The following FLT3 variants were observed in gnomAD, a reference collection of about 807,000 sequenced individuals.
FLT3 encodes receptor-type tyrosine-protein kinase FLT3.
Under a neutral mutation model 126.6 loss-of-function variants are expected in FLT3, and 46 were observed. That is an observed-to-expected ratio of 0.36 (90% CI 0.29 to 0.46). The LOEUF (loss-of-function observed/expected upper bound fraction) is 0.46, where lower values mean the gene tolerates loss of function less well. Among genes scored for constraint, FLT3 ranks in the 20% least tolerant of loss-of-function variants. The pLI is 1.00. For missense variants in FLT3, 1,069 were observed against 1,190.3 expected, an observed-to-expected ratio of 0.90 and a Z score of 1.50; for synonymous variants, 404 against 434.4, an observed-to-expected ratio of 0.93 and a Z score of 0.87.
At chr13:28,073,489 C>A in intron 1 of FLT3, 1 of 284,566 alleles carries the variant, frequency 3.5e-6, no homozygotes, top group Non-Finnish European at 7.0e-6. Context: ...TTTTCCTGCT[C>A]CACTCTGTAA....
At chr13:28,040,557 G>A (rs1158098295) in intron 9 of FLT3, among the ~76,000 whole-genome samples, 2 of 151,950 alleles carry the variant, frequency 1.3e-5, no homozygotes, top group Non-Finnish European at 2.9e-5. Context: ...TCCACAAAAC[G>A]CCACTGCGTA....
At chr13:28,077,223 G>A (rs1271042931) in intron 1 of FLT3, among the ~76,000 whole-genome samples, 1 of 152,144 alleles carries the variant, frequency 6.6e-6, no homozygotes, top group African/African-American at 2.4e-5. Context: ...TCTGCTTCTG[G>A]TGAGGAACTC....
In FLT3 at chr13:28,014,593, A is replaced by C. The variant is rs777706542; in HGVS notation, c.2754-36T>G. 12 of 1,452,298 alleles carry C rather than the reference A, an allele frequency of 8.3e-6. No homozygotes were observed. The Admixed American group carries it at 1.9e-4, about 23-fold the overall frequency. The allele number at this position is 1,452,298 out of a possible 1,614,324, so 90.0% of individuals were successfully genotyped here. On this transcript the variant is annotated intron_variant, in intron 22 of 23. Coordinates refer to ENST00000241453, the MANE Select transcript of FLT3 (RefSeq NM_004119.3). The stretch of plus-strand genomic sequence containing the variant: ...AATAGAACAAGGAACAAGATGAAGA[A>C]GTCTGAATGAAGCAAAATGGATCAT...
At chr13:28,070,873 A>C (rs1325739766) in intron 1 of FLT3, among the ~76,000 whole-genome samples, 1 of 152,068 alleles carries the variant, frequency 6.6e-6, no homozygotes. Context: ...GGTAGCGACT[A>C]GCTACATGTG....
intron 19 of FLT3, among the ~76,000 whole-genome samples, chr13:28,020,835 C>A (rs1872321475): frequency 6.6e-6 from 1 of 151,856 alleles, no homozygotes; most frequent in South Asian, 2.1e-4. Context: ...TGAGGGGCAC[C>A]CAGAGGAATA....
chr13:28,046,159 G>A (rs566884901), intron 9 of FLT3, among the ~76,000 whole-genome samples: 1 of 152,170 alleles, frequency 6.6e-6, no homozygotes, highest in East Asian at 1.9e-4. Flanking sequence ...CTGAGTTTGG[G>A]GGAGTGTGTT....
At chr13:28,023,608 G>A (rs535353605) in intron 18 of FLT3, 131 bp from the exon 19 acceptor site, 44 of 973,840 alleles carry the variant, frequency 4.5e-5, no homozygotes, top group South Asian at 6.5e-5. Flanking sequence ...TTATCTTCCC[G>A]GCAGCATTAG....
chr13:28,079,223 C>G (rs1878161444), intron 1 of FLT3, among the ~76,000 whole-genome samples: 1 of 152,180 alleles, frequency 6.6e-6, no homozygotes, highest in African/African-American at 2.4e-5. Flanking sequence ...TGCCTCCAGT[C>G]TTTTTGCTAA....
chr13:28,033,822 A>G (rs1480864561), intron 15 of FLT3, 65 bp downstream of exon 15: 9 of 1,155,616 alleles, frequency 7.8e-6, no homozygotes, highest in East Asian at 2.3e-5. Context: ...AGAAGAAGGC[A>G]TGGGTGGGAA....
rs763541713 is a variant in FLT3, at chr13:28,049,617, A to G, written c.882+18T>C. On this transcript the variant is annotated intron_variant, in intron 7 of 23. Transcript: ENST00000241453. The stretch of plus-strand genomic sequence containing the variant: ...TTAATTGTTCCTGCATTTTCAGAAT[A>G]CAAACTTGTCCTATTACCTCCTCGA... The G allele has an allele frequency of 6.2e-7, 1 of 1,613,930 alleles. No individual in the cohort carries two copies. The highest frequency in any genetic ancestry group is 1.1e-5 in the South Asian group (1 of 91,008).
intron 23 of FLT3, among the ~76,000 whole-genome samples, chr13:28,004,555 AC>A (rs1051232711): frequency 3.6e-4 from 54 of 151,746 alleles, no homozygotes; most frequent in African/African-American, 1.3e-3. Context: ...ATCCCACACC[AC>A]CCCGGCCTCC....
At chr13:28,073,506 C>A in intron 1 of FLT3, 1 of 216,366 alleles carries the variant, frequency 4.6e-6, no homozygotes, top group Non-Finnish European at 9.9e-6. Context: ...GTAATGTTTT[C>A]TCTCTAGTCT....
chr13:28,046,196 T>C lies in FLT3; in HGVS notation c.1205+2079A>G, dbSNP rs569534607. Among the ~76,000 whole-genome samples, 19 of 152,312 alleles carry C rather than the reference T, an allele frequency of 1.2e-4. No homozygotes were observed. The East Asian group carries it at 3.3e-3, about 26-fold the overall frequency. ...CAGTCAGCTCCCAGACCAGTCTGCA[T>C]TCTTAATTACTTTAAAAATGAATGC... On this transcript the variant is annotated intron_variant, in intron 9 of 23. Coordinates refer to ENST00000241453, the MANE Select transcript of FLT3 (RefSeq NM_004119.3).
intron 1 of FLT3, among the ~76,000 whole-genome samples, chr13:28,071,436 G>A (rs1394123442): frequency 6.6e-6 from 1 of 151,808 alleles, no homozygotes; most frequent in Non-Finnish European, 1.5e-5. Context: ...GTACTCAGTG[G>A]GCCTTTTCAA....
At chr13:28,096,069 T>A (rs1263542522) in intron 1 of FLT3, among the ~76,000 whole-genome samples, 1 of 152,102 alleles carries the variant, frequency 6.6e-6, no homozygotes. Flanking sequence ...TTTAAGTAGT[T>A]TTAGGCTGGG....
At chr13:28,090,987 T>A (rs957211290) in intron 1 of FLT3, among the ~76,000 whole-genome samples, 1 of 151,768 alleles carries the variant, frequency 6.6e-6, no homozygotes, top group African/African-American at 2.4e-5. Context: ...GGGGTGGGGG[T>A]AAGTAAAACA....
chr13:28,067,880 T>C (rs1366776261), intron 2 of FLT3: 2 of 393,996 alleles, frequency 5.1e-6, no homozygotes, highest in Non-Finnish European at 1.0e-5. Context: ...GGGTGGGACA[T>C]GGCAAATAAA....
chr13:28,099,767 G>A (rs1003548478), intron 1 of FLT3, among the ~76,000 whole-genome samples: 3 of 152,132 alleles, frequency 2.0e-5, no homozygotes, highest in African/African-American at 7.2e-5. Context: ...CAGATTCTTT[G>A]GGGACAGTCC....
intron 1 of FLT3, among the ~76,000 whole-genome samples, chr13:28,097,212 GAAAGAAAGAAAGAA>G (rs1009506434): frequency 3.5e-5 from 5 of 141,624 alleles, no homozygotes; most frequent in Admixed American, 6.8e-5. Flanking sequence ...GGAGACTGTC[GAAAGAAAGAAAGAA>G]AAAGAAAGAA....
Sources: gnomAD v4.1 joint callset for allele counts (sites outside exome capture counted in the v4.1 genomes callset) on GRCh38, gnomAD v4.1.1 for gene constraint, MANE v1.5 for transcripts, NCBI Gene and HGNC (gene_info 2026-07-23, HGNC 2026-07-21) for gene names.